Variants in ARHGAP29 observed in about 807,000 individuals in gnomAD.
The protein encoded by ARHGAP29 is Rho GTPase activating protein 29.
Under a neutral mutation model 122.6 loss-of-function variants are expected in ARHGAP29, and 43 were observed. The observed-to-expected ratio is 0.35, with a 90% CI of 0.27 to 0.45. The LOEUF (loss-of-function observed/expected upper bound fraction) is 0.45, where lower values mean the gene tolerates loss of function less well. Among genes scored for constraint, ARHGAP29 ranks in the 20% least tolerant of loss-of-function variants. ARHGAP29 has a pLI of 1.00. For synonymous variants in ARHGAP29, 506 were observed against 497.1 expected, an observed-to-expected ratio of 1.02 and a Z score of -0.24; for missense variants, 1,303 against 1,477.2, an observed-to-expected ratio of 0.88 and a Z score of 1.93.
chr1:94,243,851 C>T (rs893599703), intron 1 of ARHGAP29, among the ~76,000 whole-genome samples: 1 of 151,524 alleles, frequency 6.6e-6, no homozygotes, highest in Non-Finnish European at 1.5e-5. Flanking sequence ...GACATCAGTA[C>T]AGACCCTACA....
At chr1:94,240,808 TCAAAA>T (rs1418096193), upstream of ARHGAP29, among the ~76,000 whole-genome samples, 3 of 152,244 alleles carry the variant, frequency 2.0e-5, no homozygotes, top group Non-Finnish European at 4.4e-5. Context: ...TGTGTTCTCT[TCAAAA>T]TGTTTGTGGT....
upstream of ARHGAP29, among the ~76,000 whole-genome samples, chr1:94,241,733 T>TA: frequency 7.5e-6 from 1 of 133,918 alleles, no homozygotes; most frequent in Non-Finnish European, 1.6e-5. Flanking sequence ...ATAATATATA[T>TA]TTATATATAT....
the ARHGAP29 span, among the ~76,000 whole-genome samples, chr1:94,285,402 G>A: frequency 2.0e-5 from 3 of 152,036 alleles, no homozygotes; most frequent in Non-Finnish European, 4.4e-5. Flanking sequence ...AGACAGATTA[G>A]TTAATAGGGA....
intron 20 of ARHGAP29, 25 bp from the exon 21 acceptor site, chr1:94,178,192 G>T: frequency 6.3e-7 from 1 of 1,582,558 alleles, no homozygotes; most frequent in South Asian, 1.2e-5. Context: ...ACATAAAGTT[G>T]TATGAGATTT....
chr1:94,288,788 G>T, the ARHGAP29 span, among the ~76,000 whole-genome samples: 1 of 152,170 alleles, frequency 6.6e-6, no homozygotes, highest in Non-Finnish European at 1.5e-5. Flanking sequence ...TGTCAGGTTT[G>T]TCAAAGATCA....
the ARHGAP29 span, among the ~76,000 whole-genome samples, chr1:94,289,710 G>T: frequency 1.3e-5 from 2 of 152,218 alleles, no homozygotes; most frequent in African/African-American, 4.8e-5. Flanking sequence ...AAAGGCTGTT[G>T]AATTTTGTTG....
At chr1:94,250,597 A>C (rs1654044436) in intron 1 of ARHGAP29, 1 of 152,216 alleles carries the variant, frequency 6.6e-6, no homozygotes, top group Non-Finnish European at 1.5e-5. Flanking sequence ...CAAGCAGGTT[A>C]TTAATCTTGA....
At position 94,184,875 on chromosome 1, in the gene ARHGAP29, T is replaced by C. The variant is rs1649701092; in HGVS notation, c.2106A>G (p.Leu702=). ...ASEIENRALC[L]QGIYRVCGNK... is the part of the protein sequence containing the mutation. ...AATTTTAAGAGTTATAATGTACCTG[T>C]AGACACAAAGCTCTATTTTCAATCT... is the stretch of plus-strand genomic sequence containing the variant. The change falls in exon 18 of 23, where the codon CTA becomes CTG. Residue 702 remains leucine (L), a synonymous_variant. Transcript: ENST00000260526. The C allele has an allele frequency of 1.9e-6, 3 of 1,589,474 alleles. No individual in the cohort carries two copies. In the African/African-American group the frequency reaches 4.1e-5, roughly 22 times the overall value.
intron 5 of ARHGAP29, among the ~76,000 whole-genome samples, chr1:94,207,645 C>T (rs1267694799): frequency 6.6e-6 from 1 of 152,038 alleles, no homozygotes; most frequent in Non-Finnish European, 1.5e-5. Context: ...AATATTTAAA[C>T]ATCTTACAAC....
At chr1:94,270,999 C>T (rs927783222) in intron 1 of ARHGAP29, among the ~76,000 whole-genome samples, 5 of 152,124 alleles carry the variant, frequency 3.3e-5, no homozygotes, top group Non-Finnish European at 7.4e-5. Context: ...CTTGGCTGGA[C>T]CCCCCAGCTC....
At chr1:94,255,748 GGGA>G (rs766654844) in intron 1 of ARHGAP29, among the ~76,000 whole-genome samples, 35 of 152,192 alleles carry the variant, frequency 2.3e-4, no homozygotes, top group Non-Finnish European at 4.3e-4. Context: ...AATTTTCAGT[GGGA>G]GGAGATTGAT....
At chr1:94,239,295 A>T (rs1282323540), upstream of ARHGAP29, among the ~76,000 whole-genome samples, 4 of 152,076 alleles carry the variant, frequency 2.6e-5, no homozygotes, top group Non-Finnish European at 4.4e-5. Flanking sequence ...AAGTCCCTCA[A>T]CCTCAAACAC....
rs999865222 is a variant in ARHGAP29 at position 94,170,863 on chromosome 1, AT to A, written c.*3005del. 2.2e-4 allele frequency among the ~76,000 whole-genome samples: 33 copies of A among 152,058 alleles called. No homozygotes were observed. Among genetic ancestry groups the A allele is most frequent in the African/African-American group, 8.0e-4 (33 of 41,412 alleles). On this transcript the variant is annotated 3_prime_UTR_variant, in exon 23 of 23. Transcript: ENST00000260526. ...CTTATTCTTAGGTAGAGTATTTTGT[AT>A]TTTTTAATGATATTGAAGAGATCTT...
intron 3 of ARHGAP29, among the ~76,000 whole-genome samples, chr1:94,218,764 C>A (rs1360624998): frequency 6.6e-6 from 1 of 152,148 alleles, no homozygotes; most frequent in African/African-American, 2.4e-5. Context: ...AAGGAAACCA[C>A]ACAAACATGA....
rs751164202 is a variant in ARHGAP29, at chr1:94,186,493, C to A, written c.1780+6G>T. 8 of 1,605,738 alleles carry A rather than the reference C, an allele frequency of 5.0e-6. No individual in the cohort carries two copies. The highest frequency in any genetic ancestry group is 1.1e-5 in the South Asian group (1 of 90,860). ...TAGTGGGACTTAATTCAGGTAAATA[C>A]AATACCAGTTTCTGAAGGGGAAGGT... On this transcript the variant is annotated splice_donor_region_variant and intron_variant, in intron 16 of 22. Coordinates refer to ENST00000260526, the MANE Select transcript of ARHGAP29 (RefSeq NM_004815.4).
At chr1:94,267,057 C>T (rs1654799285) in intron 1 of ARHGAP29, among the ~76,000 whole-genome samples, 1 of 152,148 alleles carries the variant, frequency 6.6e-6, no homozygotes, top group South Asian at 2.1e-4. Context: ...CAGGATTTTG[C>T]TCATCTTTGG....
At chr1:94,201,689 T>G (rs1324497065) in intron 12 of ARHGAP29, 31 bp downstream of exon 12, 1 of 1,612,210 alleles carries the variant, frequency 6.2e-7, no homozygotes, top group Non-Finnish European at 8.5e-7. Context: ...TCTTTTCTTC[T>G]TGCCTTCAAA....
the ARHGAP29 span, among the ~76,000 whole-genome samples, chr1:94,286,303 A>G: frequency 6.6e-6 from 1 of 152,200 alleles, no homozygotes. Flanking sequence ...TTAGGGGTTT[A>G]GGGCTTCAAC....
intron 1 of ARHGAP29, among the ~76,000 whole-genome samples, chr1:94,234,071 T>C (rs1416739669): frequency 6.6e-6 from 1 of 152,180 alleles, no homozygotes; most frequent in Non-Finnish European, 1.5e-5. Context: ...ACCACTACCA[T>C]CAAACCAGAG....
Sources: gnomAD v4.1 joint callset for allele counts (sites outside exome capture counted in the v4.1 genomes callset) on GRCh38, gnomAD v4.1.1 for gene constraint, MANE v1.5 for transcripts, NCBI Gene and HGNC (gene_info 2026-07-23, HGNC 2026-07-21) for gene names.